Variants in USH2A observed in about 807,000 individuals in gnomAD.
USH2A encodes usherin, also known as Usher syndrome 2A (autosomal recessive, mild).
USH2A carries 443 observed loss-of-function variants against 538.9 expected under a neutral mutation model. That is an observed-to-expected ratio of 0.82 (90% CI 0.76 to 0.89). The LOEUF (loss-of-function observed/expected upper bound fraction) is 0.89, where lower values mean the gene tolerates loss of function less well. USH2A is among the 40% of genes least tolerant of loss of function. The pLI, the probability that USH2A is intolerant of heterozygous loss-of-function variation, is 0.00. For synonymous variants in USH2A, 2,413 were observed against 2,273.5 expected (o/e 1.06, Z -1.75); for missense variants, 6,633 against 6,324.8 (o/e 1.05, Z -1.65).
intron 43 of USH2A, among the ~76,000 whole-genome samples, chr1:215,877,434 C>T (rs886609835): frequency 1.3e-5 from 2 of 152,006 alleles, no homozygotes; most frequent in African/African-American, 4.8e-5. Context: ...AGGAATTTTC[C>T]CCATTTTGTA....
chr1:216,325,199 C>T (rs1457817244), intron 6 of USH2A, 106 bp downstream of exon 6: 6 of 1,264,926 alleles, frequency 4.7e-6, no homozygotes, highest in Admixed American at 1.8e-5. Flanking sequence ...TTCTGATCTC[C>T]AGAACTGTTA....
intron 13 of USH2A, among the ~76,000 whole-genome samples, chr1:216,241,961 T>C (rs1157919206): frequency 6.6e-5 from 10 of 152,328 alleles, no homozygotes; most frequent in African/African-American, 2.4e-4. Context: ...ACACTAATAC[T>C]GAAAAACAAT....
intron 21 of USH2A, among the ~76,000 whole-genome samples, chr1:216,150,043 G>C (rs1377828537): frequency 6.6e-6 from 1 of 152,012 alleles, no homozygotes; most frequent in East Asian, 1.9e-4. Flanking sequence ...TATTAGGTCT[G>C]TTCGTCCTTA....
chr1:216,376,273 T>C (rs2102725521), intron 3 of USH2A, among the ~76,000 whole-genome samples: 1 of 152,136 alleles, frequency 6.6e-6, no homozygotes, highest in South Asian at 2.1e-4. Context: ...CAGAACAAGG[T>C]GAGCTAGCAA....
At chr1:215,689,038 A>G (rs1255782670) in intron 61 of USH2A, among the ~76,000 whole-genome samples, 1 of 150,800 alleles carries the variant, frequency 6.6e-6, no homozygotes, top group Non-Finnish European at 1.5e-5. Context: ...GTAGAAGGCA[A>G]GGGAAAGAGA....
At chr1:215,937,064 C>T (rs950134763) in intron 37 of USH2A, among the ~76,000 whole-genome samples, 6 of 151,884 alleles carry the variant, frequency 4.0e-5, no homozygotes, top group Non-Finnish European at 8.8e-5. Flanking sequence ...CAGAAGAAAG[C>T]CCTAATGGCA....
chr1:215,681,865 C>T (rs138664604), intron 61 of USH2A, among the ~76,000 whole-genome samples: 18 of 152,282 alleles, frequency 1.2e-4, no homozygotes, highest in East Asian at 3.9e-4. Flanking sequence ...TGATATTACA[C>T]GCTAACCTCT....
chr1:216,295,282 T>C (rs2037082828), intron 9 of USH2A, among the ~76,000 whole-genome samples: 1 of 151,872 alleles, frequency 6.6e-6, no homozygotes, highest in African/African-American at 2.4e-5. Context: ...TGATAAATTA[T>C]ACAATAGGTT....
intron 21 of USH2A, among the ~76,000 whole-genome samples, chr1:216,172,356 AC>A (rs1412327986): frequency 6.6e-6 from 1 of 152,012 alleles, no homozygotes; most frequent in Non-Finnish European, 1.5e-5. Context: ...ATGTACATCA[AC>A]CTTATATTTG....
chr1:215,946,180 C>G lies in USH2A; in HGVS notation c.7121-11385G>C, dbSNP rs532541482. On this transcript the variant is annotated intron_variant, in intron 37 of 71. Coordinates refer to ENST00000307340, the MANE Select transcript of USH2A (RefSeq NM_206933.4). ...CATCACAAATGATGGACCTATAGAT[C>G]CAAACTATTACAGAATCACTCAGTA... 1.4e-4 allele frequency among the ~76,000 whole-genome samples: 22 copies of G among 152,226 alleles called. No individual in the cohort carries two copies. The South Asian group carries it at 1.9e-3, about 13-fold the overall frequency.
chr1:215,976,604 G>A (rs1303726438), intron 35 of USH2A, among the ~76,000 whole-genome samples: 1 of 152,086 alleles, frequency 6.6e-6, no homozygotes, highest in Non-Finnish European at 1.5e-5. Context: ...TTTATATGAT[G>A]AATCATGTTT....
At chr1:215,836,018 T>C (rs1214230699) in intron 47 of USH2A, among the ~76,000 whole-genome samples, 2 of 152,126 alleles carry the variant, frequency 1.3e-5, no homozygotes, top group Non-Finnish European at 2.9e-5. Flanking sequence ...GCAATAATCT[T>C]CTTAAAGGAA....
chr1:215,993,434 G>T (rs1668052424), intron 34 of USH2A, among the ~76,000 whole-genome samples: 1 of 151,880 alleles, frequency 6.6e-6, no homozygotes, highest in East Asian at 1.9e-4. Flanking sequence ...AGAGCCTAGA[G>T]ATGTAGGGCA....
At chr1:216,191,549 T>G (rs1361799836) in intron 19 of USH2A, among the ~76,000 whole-genome samples, 1 of 152,018 alleles carries the variant, frequency 6.6e-6, no homozygotes, top group African/African-American at 2.4e-5. Flanking sequence ...GCAATTACAT[T>G]TTGAAATAAG....
intron 35 of USH2A, among the ~76,000 whole-genome samples, chr1:215,992,052 C>G (rs1668014837): frequency 6.6e-6 from 1 of 152,100 alleles, no homozygotes; most frequent in Non-Finnish European, 1.5e-5. Flanking sequence ...TCAAATATAT[C>G]TAGTGCATTT....
intron 4 of USH2A, among the ~76,000 whole-genome samples, chr1:216,339,059 A>G (rs979661556): frequency 6.6e-6 from 1 of 151,658 alleles, no homozygotes; most frequent in Non-Finnish European, 1.5e-5. Context: ...ACAAGGAGAC[A>G]TACAAAATAT....
rs150896588 is a variant in USH2A, at chr1:216,089,012, C to T, written c.4885+1G>A. ...ATTTATACATATCAAAAAGTACTTA[C>T]CTGTATATATCCCATCCAGAGTGAT... is the stretch of plus-strand genomic sequence containing the variant. On this transcript the variant is annotated splice_donor_variant, in intron 23 of 71. Transcript: ENST00000307340. LOFTEE classifies it high-confidence loss of function. The T allele has an allele frequency of 1.2e-6, 2 of 1,613,152 alleles. No homozygotes were observed. The highest frequency in any genetic ancestry group is 1.3e-5 in the African/African-American group (1 of 74,858).
chr1:216,297,855 C>G (rs568958886), intron 9 of USH2A, among the ~76,000 whole-genome samples: 1 of 152,208 alleles, frequency 6.6e-6, no homozygotes, highest in East Asian at 1.9e-4. Flanking sequence ...ATTACTTCTT[C>G]TAGTAGCCCT....
At chr1:215,792,937 T>C (rs937719197) in intron 50 of USH2A, among the ~76,000 whole-genome samples, 2 of 152,232 alleles carry the variant, frequency 1.3e-5, no homozygotes, top group Non-Finnish European at 2.9e-5. Flanking sequence ...AAAATGCAGA[T>C]GTTAGTAAAG....
Sources: allele counts gnomAD v4.1 joint callset (sites outside exome capture counted in the v4.1 genomes callset), GRCh38; gene constraint gnomAD v4.1.1; transcripts MANE v1.5; gene names NCBI Gene and HGNC (gene_info 2026-07-23, HGNC 2026-07-21).